The following NXPE3 variants were observed in gnomAD, a reference collection of about 807,000 sequenced individuals.
NXPE3 encodes the protein NXPE family member 3.
Under a neutral mutation model 46.1 loss-of-function variants are expected in NXPE3, and 26 were observed. The ratio of observed to expected loss-of-function variants is 0.56; its 90% CI spans 0.41 to 0.78. NXPE3 has a LOEUF of 0.78. Among genes scored for constraint, NXPE3 ranks in the 30% least tolerant of loss-of-function variants. The probability of loss-of-function intolerance (pLI) is 0.00; values close to 1 mark genes in which losing one functional copy is unlikely to be tolerated. For synonymous variants in NXPE3, 272 were observed against 257.9 expected (o/e 1.05, Z -0.52); for missense variants, 620 against 686.0 (o/e 0.90, Z 1.07).
chr3:101,786,192 G>A (rs1457345990), intron 4 of NXPE3, among the ~76,000 whole-genome samples: 1 of 152,154 alleles, frequency 6.6e-6, no homozygotes, highest in African/African-American at 2.4e-5. Flanking sequence ...ACAAGGGCCT[G>A]TCACTAAGAA....
intron 7 of NXPE3, among the ~76,000 whole-genome samples, chr3:101,821,138 G>A (rs746742524): frequency 3.3e-5 from 5 of 152,164 alleles, no homozygotes; most frequent in Non-Finnish European, 5.9e-5. Context: ...ATAGACAGGT[G>A]TAGTGTAGAG....
rs1341868695 is a variant in NXPE3 at position 101,826,487 on chromosome 3, T to C, written c.*4533T>C. ...GTTTATGTCTACAATGTAGTATTAG[T>C]GTACTTAGGATTCTTGACACCTCAG... On this transcript the variant is annotated 3_prime_UTR_variant, in exon 8 of 8. Transcript: ENST00000273347. 6.6e-6 allele frequency: 1 copy of C among 152,168 alleles called. No individual in the cohort carries two copies. The highest frequency in any genetic ancestry group is 1.5e-5 in the Non-Finnish European group (1 of 68,036). The allele number at this position is 152,168 out of a possible 1,614,324, so 9.4% of individuals were successfully genotyped here. A position where few individuals can be genotyped will look rare whatever the true frequency, so the allele number is the denominator to read the frequency against.
chr3:101,791,439 G>A (rs1940511784), intron 4 of NXPE3, among the ~76,000 whole-genome samples: 1 of 152,184 alleles, frequency 6.6e-6, no homozygotes, highest in Non-Finnish European at 1.5e-5. Context: ...GGGCTGGAGT[G>A]CAATGGCACG....
chr3:101,781,029 A>G (rs1939791178), intron 1 of NXPE3, among the ~76,000 whole-genome samples: 1 of 152,196 alleles, frequency 6.6e-6, no homozygotes, highest in Non-Finnish European at 1.5e-5. Context: ...GCCCTGTTTC[A>G]AGGTCTTACT....
At chr3:101,801,177 C>T (rs1941119443) in intron 4 of NXPE3, 58 bp from the exon 5 acceptor site, 1 of 1,512,734 alleles carries the variant, frequency 6.6e-7, no homozygotes, top group Non-Finnish European at 8.9e-7. Flanking sequence ...TGAATTTATG[C>T]CAAAATACAG....
Position 101,821,425 on chromosome 3 carries a change from G to A in NXPE3, c.1151G>A (p.Gly384Asp), listed in dbSNP as rs1560069652. The change falls in exon 8 of 8, where the codon GGT (glycine) becomes GAT (aspartate). Residue 384 changes from glycine (G) to aspartate (D), a missense_variant. Gly to Asp is a moderately conservative substitution (Grantham distance 94). This residue lies in a region of NXPE3 where 511 missense variants were observed against 528.6 expected (regional missense o/e 0.97). Coordinates refer to ENST00000273347, the MANE Select transcript of NXPE3 (RefSeq NM_145037.4). ...TCAGATTTAGTGGAGTTTAACTTGGGTAGTCCCAAGAATGTGGGTCCCTTC... is the reference window on the plus strand; with the variant it reads ...TCAGATTTAGTGGAGTTTAACTTGGATAGTCCCAAGAATGTGGGTCCCTTC... ...FVPDLVEFNLGSPKNVGPFLA... is the reference protein window; with the variant it reads ...FVPDLVEFNLDSPKNVGPFLA... 5 of 1,613,780 alleles carry A rather than the reference G, an allele frequency of 3.1e-6. No individual in the cohort carries two copies. Among genetic ancestry groups the A allele is most frequent in the Non-Finnish European group, 3.4e-6 (4 of 1,179,798 alleles).
intron 4 of NXPE3, among the ~76,000 whole-genome samples, chr3:101,800,723 T>C (rs1369491419): frequency 6.6e-6 from 1 of 152,138 alleles, no homozygotes. Context: ...TTTGGAGAAT[T>C]GACTCCTTTA....
Position 101,821,620 on chromosome 3 carries a change from GCACCTTC to G in NXPE3, c.1348_1354del (p.Thr450LeufsTer42). The G allele has an allele frequency of 6.2e-7, 1 of 1,614,208 alleles. No homozygotes were observed. The highest frequency in any genetic ancestry group is 8.5e-7 in the Non-Finnish European group (1 of 1,180,034). ...GCCATAGCTGTATGGTCTCACTTCAGCACCTTCCCTTTGGAAGTGTACATCCGGCGGC... is the reference window on the plus strand; with the variant it reads ...GCCATAGCTGTATGGTCTCACTTCAGCCTTTGGAAGTGTACATCCGGCGGC... On this transcript the variant is annotated frameshift_variant, in exon 8 of 8. Coordinates refer to ENST00000273347, the MANE Select transcript of NXPE3 (RefSeq NM_145037.4). LOFTEE classifies it high-confidence loss of function.
At chr3:101,819,402 T>C (rs1942146217) in intron 7 of NXPE3, among the ~76,000 whole-genome samples, 1 of 152,126 alleles carries the variant, frequency 6.6e-6, no homozygotes, top group South Asian at 2.1e-4. Context: ...GAAATACAAC[T>C]TAGAGGGAGA....
chr3:101,821,282 A>T, intron 7 of NXPE3, 122 bp from the exon 8 acceptor site: 1 of 728,450 alleles, frequency 1.4e-6, no homozygotes, highest in Non-Finnish European at 2.3e-6. Flanking sequence ...CTTTACATTT[A>T]TATTGTACCT....
chr3:101,822,008 T>C lies in NXPE3; in HGVS notation c.*54T>C, dbSNP rs1406993094. 2 of 1,530,062 alleles carry C rather than the reference T, an allele frequency of 1.3e-6. No individual in the cohort carries two copies. Among genetic ancestry groups the C allele is most frequent in the African/African-American group, 2.7e-5 (2 of 72,900 alleles). 94.8% of individuals were successfully genotyped at this position (1,530,062 alleles called of 1,614,324 possible). A position where few individuals can be genotyped will look rare whatever the true frequency, so the allele number is the denominator to read the frequency against. ...TATTCAATGACCTTCTCAATTGACC[T>C]GAGTTACAGAAAGTGGCCCCAGTGA... is the stretch of plus-strand genomic sequence containing the variant. On this transcript the variant is annotated 3_prime_UTR_variant, in exon 8 of 8. Coordinates refer to ENST00000273347, the MANE Select transcript of NXPE3 (RefSeq NM_145037.4).
intron 4 of NXPE3, among the ~76,000 whole-genome samples, chr3:101,798,511 A>G (rs1036797246): frequency 1.3e-5 from 2 of 148,176 alleles, no homozygotes; most frequent in African/African-American, 4.9e-5. Flanking sequence ...ATACACATAT[A>G]TATGTATGTG....
At chr3:101,802,495 G>T (rs1941219569) in intron 5 of NXPE3, among the ~76,000 whole-genome samples, 1 of 151,852 alleles carries the variant, frequency 6.6e-6, no homozygotes, top group Admixed American at 6.6e-5. Flanking sequence ...GGCTGGTAGG[G>T]CTGGTAGTCA....
At position 101,805,687 on chromosome 3, in the gene NXPE3, C is replaced by T. The variant is rs190887027; in HGVS notation, c.849-1366C>T. Among the ~76,000 whole-genome samples, 301 of 152,172 alleles carry T rather than the reference C, an allele frequency of 2.0e-3. No homozygotes were observed. The Middle Eastern group carries it at 0.034, about 17-fold the overall frequency. On this transcript the variant is annotated intron_variant, in intron 5 of 7. Transcript: ENST00000273347. ...ACTCCTGGCCTCAAGGATATCTGCCCGTCTTGGCCTCCCAAAGTGCTGGGA... is the reference window on the plus strand; with the variant it reads ...ACTCCTGGCCTCAAGGATATCTGCCTGTCTTGGCCTCCCAAAGTGCTGGGA...
chr3:101,794,150 G>C (rs147204576), intron 4 of NXPE3, among the ~76,000 whole-genome samples: 2 of 151,210 alleles, frequency 1.3e-5, no homozygotes, highest in African/African-American at 4.9e-5. Context: ...AGGCTAAATC[G>C]CATTACTGTT....
chr3:101,784,535 C>T (rs1940032061), intron 3 of NXPE3, among the ~76,000 whole-genome samples: 3 of 152,178 alleles, frequency 2.0e-5, no homozygotes, highest in Non-Finnish European at 4.4e-5. Context: ...CTGAGATACT[C>T]TGCACCATGA....
In NXPE3 at chr3:101,822,479, A is replaced by G. The variant is rs1216751427; in HGVS notation, c.*525A>G. ...TCTCAGGAGTTTCTCTTGATGATCT[A>G]CCTTTTCTGAATTACTTGAAAAGGC... is the stretch of plus-strand genomic sequence containing the variant. On this transcript the variant is annotated 3_prime_UTR_variant, in exon 8 of 8. Coordinates refer to ENST00000273347, the MANE Select transcript of NXPE3 (RefSeq NM_145037.4). The G allele has an allele frequency of 6.6e-6, 1 of 152,600 alleles. No individual in the cohort carries two copies. The highest frequency in any genetic ancestry group is 1.9e-4 in the East Asian group (1 of 5,190). 9.5% of individuals were successfully genotyped at this position (152,600 alleles called of 1,614,324 possible).
intron 4 of NXPE3, among the ~76,000 whole-genome samples, chr3:101,791,263 A>G (rs1940503978): frequency 6.6e-6 from 1 of 152,248 alleles, no homozygotes; most frequent in South Asian, 2.1e-4. Flanking sequence ...TGTTCCCACA[A>G]AAGATATGAT....
intron 7 of NXPE3, among the ~76,000 whole-genome samples, chr3:101,820,770 G>A (rs759783503): frequency 6.6e-6 from 1 of 152,144 alleles, no homozygotes. Flanking sequence ...ACTAACACAG[G>A]AACAGAAAAC....
Sources: allele counts gnomAD v4.1 joint callset (sites outside exome capture counted in the v4.1 genomes callset), GRCh38; gene constraint gnomAD v4.1.1; regional missense constraint gnomAD v4.1.1; transcripts MANE v1.5; gene names NCBI Gene and HGNC (gene_info 2026-07-23, HGNC 2026-07-21).